The following LRRTM4 variants were observed in gnomAD, a reference collection of about 807,000 sequenced individuals.
LRRTM4 encodes leucine rich repeat transmembrane neuronal 4.
A neutral mutation model predicts 47.6 loss-of-function variants in LRRTM4; 25 were observed. That is an observed-to-expected ratio of 0.53 (90% CI 0.38 to 0.73). LRRTM4 has a LOEUF of 0.73. Among genes scored for constraint, LRRTM4 ranks in the 30% least tolerant of loss-of-function variants. The pLI is 0.00. For synonymous variants in LRRTM4, 311 were observed against 269.5 expected (o/e 1.15, Z -1.51); for missense variants, 638 against 713.4 (o/e 0.89, Z 1.20).
chr2:77,316,717 T>C (rs1677629657), intron 3 of LRRTM4, among the ~76,000 whole-genome samples: 1 of 152,056 alleles, frequency 6.6e-6, no homozygotes, highest in African/African-American at 2.4e-5. Flanking sequence ...CTACATTTTT[T>C]GGATATTTTG....
At chr2:77,295,868 G>A (rs1676959605) in intron 3 of LRRTM4, among the ~76,000 whole-genome samples, 1 of 152,012 alleles carries the variant, frequency 6.6e-6, no homozygotes. Flanking sequence ...TCCAAATACT[G>A]AGATATTTGG....
intron 3 of LRRTM4, among the ~76,000 whole-genome samples, chr2:77,067,808 C>T (rs970586673): frequency 6.6e-6 from 1 of 151,700 alleles, no homozygotes; most frequent in African/African-American, 2.4e-5. Flanking sequence ...GGTAGCCTCA[C>T]ATCAGAAAGT....
chr2:76,975,968 C>G (rs1400593279), intron 3 of LRRTM4, among the ~76,000 whole-genome samples: 1 of 151,826 alleles, frequency 6.6e-6, no homozygotes, highest in Admixed American at 6.6e-5. Context: ...CAGTCATGCT[C>G]TGGACTTAGG....
chr2:77,381,457 A>C (rs575116020), intron 3 of LRRTM4, among the ~76,000 whole-genome samples: 1 of 152,108 alleles, frequency 6.6e-6, no homozygotes, highest in African/African-American at 2.4e-5. Flanking sequence ...AATTGCTTTA[A>C]CACTAAAAGA....
chr2:77,028,851 C>T (rs1194755112), intron 3 of LRRTM4, among the ~76,000 whole-genome samples: 3 of 151,184 alleles, frequency 2.0e-5, no homozygotes, highest in Non-Finnish European at 2.9e-5. Flanking sequence ...CTGGCTAACA[C>T]GGTGAAACCA....
chr2:77,142,445 A>G (rs1049994603), intron 3 of LRRTM4, among the ~76,000 whole-genome samples: 5 of 151,826 alleles, frequency 3.3e-5, no homozygotes, highest in African/African-American at 4.8e-5. Context: ...ACACACACAC[A>G]CACACACACA....
chr2:76,906,646 A>G (rs1195567971), intron 3 of LRRTM4, among the ~76,000 whole-genome samples: 2 of 152,260 alleles, frequency 1.3e-5, no homozygotes, highest in Non-Finnish European at 2.9e-5. Flanking sequence ...AAAAGGATGG[A>G]GGAAGATCTA....
At chr2:76,907,863 C>A (rs183511576) in intron 3 of LRRTM4, among the ~76,000 whole-genome samples, 2 of 135,360 alleles carry the variant, frequency 1.5e-5, no homozygotes, top group Middle Eastern at 3.5e-3. Flanking sequence ...AGCTTACCAA[C>A]CGAAAAGAGT....
At chr2:76,786,373 G>A (rs1232482839) in intron 3 of LRRTM4, among the ~76,000 whole-genome samples, 3 of 151,620 alleles carry the variant, frequency 2.0e-5, no homozygotes, top group African/African-American at 4.8e-5. Flanking sequence ...TGATGAATAG[G>A]CAAATTGGTC....
At chr2:77,399,364 C>T (rs189861494) in intron 3 of LRRTM4, among the ~76,000 whole-genome samples, 3 of 151,754 alleles carry the variant, frequency 2.0e-5, no homozygotes, top group East Asian at 1.9e-4. Flanking sequence ...ACGTACTCTC[C>T]GCAATTTTCA....
intron 3 of LRRTM4, among the ~76,000 whole-genome samples, chr2:77,281,585 C>T (rs1676507016): frequency 6.6e-6 from 1 of 151,686 alleles, no homozygotes; most frequent in Non-Finnish European, 1.5e-5. Context: ...AAAGAAAGAA[C>T]CAATCACATT....
At chr2:76,883,509 T>A (rs1056798602) in intron 3 of LRRTM4, among the ~76,000 whole-genome samples, 1 of 152,116 alleles carries the variant, frequency 6.6e-6, no homozygotes, top group Non-Finnish European at 1.5e-5. Context: ...GAGAATGCAA[T>A]TTACACATGC....
chr2:77,476,964 ATGTGTGTGTGTGTG>A (rs59247356), intron 3 of LRRTM4, among the ~76,000 whole-genome samples: 1 of 143,798 alleles, frequency 7.0e-6, no homozygotes, highest in Non-Finnish European at 1.6e-5. Context: ...TTTGTAAGAG[ATGTGTGTGTGTGTG>A]TGTGTGTGTG....
chr2:77,164,102 G>A (rs1369668863), intron 3 of LRRTM4, among the ~76,000 whole-genome samples: 1 of 152,092 alleles, frequency 6.6e-6, no homozygotes, highest in Non-Finnish European at 1.5e-5. Context: ...TCAAAATAAA[G>A]GGATGGAGGA....
At chr2:76,841,337 A>C (rs1247223169) in intron 3 of LRRTM4, among the ~76,000 whole-genome samples, 12 of 151,820 alleles carry the variant, frequency 7.9e-5, no homozygotes, top group African/African-American at 2.9e-4. Context: ...ATGACGAGTT[A>C]ATGGGTGCAG....
intron 3 of LRRTM4, among the ~76,000 whole-genome samples, chr2:77,241,759 T>G (rs867790224): frequency 1.4e-4 from 22 of 152,250 alleles, no homozygotes; most frequent in Middle Eastern, 3.4e-3. Flanking sequence ...GTCATAAATC[T>G]TTTCTCCTAT....
intron 3 of LRRTM4, among the ~76,000 whole-genome samples, chr2:77,200,976 G>A (rs769367235): frequency 2.6e-5 from 4 of 152,026 alleles, no homozygotes; most frequent in South Asian, 4.1e-4. Context: ...GAAAACCTGC[G>A]GCAAAGTCCC....
At chr2:77,166,090 G>A (rs1463135668) in intron 3 of LRRTM4, among the ~76,000 whole-genome samples, 1 of 152,154 alleles carries the variant, frequency 6.6e-6, no homozygotes, top group Non-Finnish European at 1.5e-5. Flanking sequence ...ATCTTAAGCT[G>A]ATAAGCAACT....
intron 3 of LRRTM4, among the ~76,000 whole-genome samples, chr2:76,950,648 C>G (rs1458476066): frequency 1.3e-5 from 2 of 151,870 alleles, no homozygotes; most frequent in African/African-American, 2.4e-5. Context: ...ATTTTACAAA[C>G]AGTTGTAAAC....
Sources: allele counts gnomAD v4.1 joint callset (sites outside exome capture counted in the v4.1 genomes callset), GRCh38; gene constraint gnomAD v4.1.1; transcripts MANE v1.5; gene names NCBI Gene and HGNC (gene_info 2026-07-23, HGNC 2026-07-21).